The following CSMD1 variants were observed in gnomAD, a reference collection of about 807,000 sequenced individuals.
CSMD1 encodes CUB and sushi domain-containing protein 1.
A neutral mutation model predicts 417.5 loss-of-function variants in CSMD1; 213 were observed. That is an observed-to-expected ratio of 0.51 (90% CI 0.46 to 0.57). CSMD1 has a LOEUF of 0.57. Ranked by LOEUF, CSMD1 falls within the 20% of genes least tolerant of loss-of-function variation. The pLI, the probability that CSMD1 is intolerant of heterozygous loss-of-function variation, is 0.00. For missense variants in CSMD1, 6,923 were observed against 4,529.7 expected, an observed-to-expected ratio of 1.53 and a Z score of -15.17; for synonymous variants, 2,862 against 1,736.8, an observed-to-expected ratio of 1.65 and a Z score of -16.11.
At chr8:4,369,239 T>C (rs1224470643) in intron 3 of CSMD1, among the ~76,000 whole-genome samples, 1 of 152,174 alleles carries the variant, frequency 6.6e-6, no homozygotes, top group Non-Finnish European at 1.5e-5. Context: ...TCAACTTCCA[T>C]GTAATTGTAT....
chr8:3,889,555 G>C (rs527680715), intron 5 of CSMD1, among the ~76,000 whole-genome samples: 3 of 86,106 alleles, frequency 3.5e-5, no homozygotes, highest in African/African-American at 9.6e-5. Context: ...GTGTATATGT[G>C]TGTCTGTGTG....
chr8:3,729,489 T>A (rs1010488575), intron 6 of CSMD1, among the ~76,000 whole-genome samples: 6 of 152,162 alleles, frequency 3.9e-5, no homozygotes, highest in African/African-American at 1.4e-4. Context: ...AGAGGCAATA[T>A]GTATCCCCAG....
At chr8:3,593,138 G>A (rs975014955) in intron 8 of CSMD1, among the ~76,000 whole-genome samples, 1 of 152,234 alleles carries the variant, frequency 6.6e-6, no homozygotes, top group African/African-American at 2.4e-5. Flanking sequence ...TGGAGCTGTG[G>A]TGATAAGTGT....
intron 2 of CSMD1, among the ~76,000 whole-genome samples, chr8:4,532,039 T>C (rs1391873086): frequency 6.9e-6 from 1 of 144,404 alleles, no homozygotes; most frequent in Non-Finnish European, 1.5e-5. Flanking sequence ...TGCACCCCCA[T>C]TCAGTCACTC....
chr8:3,539,891 C>A (rs1222017712), intron 10 of CSMD1, among the ~76,000 whole-genome samples: 1 of 152,182 alleles, frequency 6.6e-6, no homozygotes, highest in Non-Finnish European at 1.5e-5. Context: ...AAAACGGCTT[C>A]CCTTTGAATT....
chr8:3,532,744 G>A (rs889231254), intron 10 of CSMD1, among the ~76,000 whole-genome samples: 2 of 152,100 alleles, frequency 1.3e-5, no homozygotes, highest in South Asian at 2.1e-4. Flanking sequence ...CATATCTATT[G>A]ATCAATATAT....
intron 11 of CSMD1, among the ~76,000 whole-genome samples, chr8:3,477,896 G>A (rs1425563827): frequency 1.3e-5 from 2 of 152,288 alleles, no homozygotes; most frequent in Middle Eastern, 3.4e-3. Context: ...GAGGGCCAGG[G>A]CAGGTGGAAA....
At chr8:4,027,011 G>C (rs550666810) in intron 4 of CSMD1, among the ~76,000 whole-genome samples, 3 of 152,300 alleles carry the variant, frequency 2.0e-5, no homozygotes, top group South Asian at 2.1e-4. Flanking sequence ...CAGATAATAA[G>C]CTAACCACAT....
At position 3,663,972 on chromosome 8, in the gene CSMD1, T is replaced by C. The variant is rs190448506; in HGVS notation, c.1009+44442A>G. ...AACCAAGGCTTTGTTCAAACATTAC[T>C]AAATCTTATTGTAAATCTTCAGCCA... On this transcript the variant is annotated intron_variant, in intron 7 of 69. Coordinates refer to ENST00000635120, the MANE Select transcript of CSMD1 (RefSeq NM_033225.6). Among the ~76,000 whole-genome samples, 9 of 152,352 alleles carry C rather than the reference T, an allele frequency of 5.9e-5. No homozygotes were observed. The East Asian group carries it at 1.7e-3, about 29-fold the overall frequency.
At chr8:3,204,380 T>C (rs1408452571) in intron 31 of CSMD1, among the ~76,000 whole-genome samples, 2 of 148,968 alleles carry the variant, frequency 1.3e-5, no homozygotes, top group East Asian at 3.9e-4. Context: ...ATCAGGGGAA[T>C]ACTGCTGAGC....
At chr8:4,018,121 A>G (rs1037289719) in intron 4 of CSMD1, among the ~76,000 whole-genome samples, 1 of 152,190 alleles carries the variant, frequency 6.6e-6, no homozygotes, top group African/African-American at 2.4e-5. Context: ...GTATCCTACA[A>G]AGTGTTTTGT....
chr8:4,192,605 GA>G (rs1799093568), intron 3 of CSMD1, among the ~76,000 whole-genome samples: 2 of 152,180 alleles, frequency 1.3e-5, no homozygotes, highest in East Asian at 1.9e-4. Flanking sequence ...CCTATAATGA[GA>G]ACAGGTTGGG....
intron 54 of CSMD1, among the ~76,000 whole-genome samples, chr8:2,987,761 A>C (rs183659022): frequency 2.7e-4 from 41 of 152,308 alleles, no homozygotes; most frequent in African/African-American, 7.9e-4. Context: ...AGCGGCGCGC[A>C]TAAGGGCAGC....
At chr8:3,935,124 C>T (rs751995710) in intron 5 of CSMD1, among the ~76,000 whole-genome samples, 2 of 152,096 alleles carry the variant, frequency 1.3e-5, no homozygotes, top group Non-Finnish European at 2.9e-5. Flanking sequence ...CACATTTTCT[C>T]TGTATGTCAG....
chr8:3,531,107 C>G (rs749140317), intron 10 of CSMD1, among the ~76,000 whole-genome samples: 4 of 151,510 alleles, frequency 2.6e-5, no homozygotes, highest in Non-Finnish European at 4.4e-5. Flanking sequence ...GTGACCTGCC[C>G]ACCTAGGCCT....
intron 8 of CSMD1, among the ~76,000 whole-genome samples, chr8:3,602,012 G>C (rs1411815464): frequency 1.3e-5 from 2 of 152,116 alleles, no homozygotes; most frequent in African/African-American, 2.4e-5. Flanking sequence ...GGAAGTTATG[G>C]CTTTATGGGT....
intron 26 of CSMD1, among the ~76,000 whole-genome samples, chr8:3,247,625 C>T (rs1465783482): frequency 2.0e-5 from 3 of 152,106 alleles, no homozygotes; most frequent in African/African-American, 4.8e-5. Context: ...CAGAGGTGGC[C>T]TCTGAGCCTG....
At position 3,946,667 on chromosome 8, in the gene CSMD1, T is replaced by C. The variant is rs142257201; in HGVS notation, c.818+51236A>G. On this transcript the variant is annotated intron_variant, in intron 5 of 69. Coordinates refer to ENST00000635120, the MANE Select transcript of CSMD1 (RefSeq NM_033225.6). ...GAATAAACTTACATCTTGAAAGCCC[T>C]GCATCTTCTCATTCATGGTCTAGTG... Among the ~76,000 whole-genome samples, 1,367 of 152,284 alleles carry C rather than the reference T, an allele frequency of 9.0e-3. 20 individuals are homozygous for C. The highest frequency in any genetic ancestry group is 0.031 in the African/African-American group (1,278 of 41,572).
At chr8:3,813,666 G>C (rs1801210979) in intron 5 of CSMD1, among the ~76,000 whole-genome samples, 1 of 152,128 alleles carries the variant, frequency 6.6e-6, no homozygotes, top group South Asian at 2.1e-4. Context: ...AATTATTTAA[G>C]TGGCTTAAAA....
Sources: gnomAD v4.1 joint callset for allele counts (sites outside exome capture counted in the v4.1 genomes callset) on GRCh38, gnomAD v4.1.1 for gene constraint, MANE v1.5 for transcripts, NCBI Gene and HGNC (gene_info 2026-07-23, HGNC 2026-07-21) for gene names.